The following CNBD1 variants were observed in gnomAD, a reference collection of about 807,000 sequenced individuals.
CNBD1 encodes the protein cyclic nucleotide-binding domain-containing protein 1.
Under a neutral mutation model 54.4 loss-of-function variants are expected in CNBD1, and 71 were observed. The observed-to-expected ratio is 1.30, with a 90% CI of 1.08 to 1.59. The LOEUF (loss-of-function observed/expected upper bound fraction) is 1.59, where lower values mean the gene tolerates loss of function less well. Among genes scored for constraint, CNBD1 ranks in the 40% most tolerant of loss-of-function variants. The probability of loss-of-function intolerance (pLI) is 0.00; values close to 1 mark genes in which losing one functional copy is unlikely to be tolerated. For synonymous variants in CNBD1, 182 were observed against 170.7 expected (o/e 1.07, Z -0.51); for missense variants, 659 against 518.0 (o/e 1.27, Z -2.64).
chr8:87,338,316 T>A (rs1809989803), intron 8 of CNBD1, among the ~76,000 whole-genome samples: 1 of 152,196 alleles, frequency 6.6e-6, no homozygotes, highest in African/African-American at 2.4e-5. Context: ...TTATATCATT[T>A]TCCTTTTCTC....
chr8:87,028,821 G>C (rs962675244), intron 4 of CNBD1, among the ~76,000 whole-genome samples: 1 of 152,190 alleles, frequency 6.6e-6, no homozygotes, highest in Admixed American at 6.5e-5. Flanking sequence ...TTTAAGACCA[G>C]CAGGGTCAAT....
In CNBD1 at chr8:87,099,065, A is replaced by AAAAAAAAAAAAAAC. The variant is rs978372704; in HGVS notation, c.432-106928_432-106927insAAAAAAAAAAAAAC. On this transcript the variant is annotated intron_variant, in intron 4 of 10. Transcript: ENST00000518476. ...AAAAAAAAAAAAAAAAAAAAACAAA[A>AAAAAAAAAAAAAAC]CTCCAAATTTTGACCCTTATGCTTA... Among the ~76,000 whole-genome samples, 21 of 144,060 alleles carry AAAAAAAAAAAAAAC rather than the reference A, an allele frequency of 1.5e-4. 1 individual carries two copies. Among genetic ancestry groups the AAAAAAAAAAAAAAC allele is most frequent in the African/African-American group, 5.8e-4 (21 of 36,022 alleles). 94.5% of individuals were successfully genotyped at this position (144,060 alleles called of 152,430 possible).
Position 87,010,031 on chromosome 8 carries a change from C to T in CNBD1, c.431+70277C>T, listed in dbSNP as rs141324385. Among the ~76,000 whole-genome samples the T allele has an allele frequency of 6.1e-3, 928 of 152,232 alleles. 19 individuals are homozygous for T. The highest frequency in any genetic ancestry group is 0.021 in the African/African-American group (882 of 41,552). ...TTGAAGGGAATATCCTCTCCTACCT[C>T]TGTGGCTACTTTTAGGTTTTTCTCC... On this transcript the variant is annotated intron_variant, in intron 4 of 10. Transcript: ENST00000518476.
At chr8:86,893,657 A>G (rs897110304) in intron 2 of CNBD1, among the ~76,000 whole-genome samples, 1 of 152,202 alleles carries the variant, frequency 6.6e-6, no homozygotes, top group Non-Finnish European at 1.5e-5. Context: ...ACTCCTGGAA[A>G]AAAAAGCAAC....
intron 10 of CNBD1, among the ~76,000 whole-genome samples, chr8:87,362,028 T>A (rs564272320): frequency 6.6e-6 from 1 of 152,174 alleles, no homozygotes; most frequent in South Asian, 2.1e-4. Flanking sequence ...TGTCTGTCAT[T>A]CCATGTCCTG....
At chr8:87,155,709 A>G (rs751961446) in intron 4 of CNBD1, among the ~76,000 whole-genome samples, 33 of 152,330 alleles carry the variant, frequency 2.2e-4, no homozygotes, top group Non-Finnish European at 3.5e-4. Flanking sequence ...TGTTTGTTGT[A>G]TATACCTGTC....
At chr8:87,051,524 G>C (rs755991556) in intron 4 of CNBD1, among the ~76,000 whole-genome samples, 1 of 152,174 alleles carries the variant, frequency 6.6e-6, no homozygotes, top group Non-Finnish European at 1.5e-5. Context: ...ATTTACCCAC[G>C]TATTTATTAA....
At chr8:86,870,189 C>CCTTTTTTTTTTTTTTTTTTTTTTTT (rs1554626453) in intron 1 of CNBD1, among the ~76,000 whole-genome samples, 1 of 100,624 alleles carries the variant, frequency 9.9e-6, no homozygotes, top group Non-Finnish European at 1.9e-5. Context: ...AGATAGTACT[C>CCTTTTTTTTTTTTTTTTTTTTTTTT]TTTTTTTTTT....
At chr8:87,256,011 A>ATT (rs1563526133) in intron 6 of CNBD1, among the ~76,000 whole-genome samples, 48 of 19,248 alleles carry the variant, frequency 2.5e-3, no homozygotes, top group Non-Finnish European at 3.1e-3. Context: ...ATATATATAT[A>ATT]TATATTTTTT....
intron 5 of CNBD1, among the ~76,000 whole-genome samples, chr8:87,232,314 G>A (rs565141420): frequency 7.9e-5 from 12 of 152,136 alleles, no homozygotes; most frequent in African/African-American, 2.2e-4. Flanking sequence ...TGGGACATAC[G>A]TTAGATGTAT....
intron 4 of CNBD1, among the ~76,000 whole-genome samples, chr8:86,963,923 C>T (rs1037979905): frequency 9.9e-5 from 15 of 152,134 alleles, no homozygotes; most frequent in African/African-American, 3.6e-4. Context: ...GACAGTCTGC[C>T]CTCCAATGAT....
Position 86,999,577 on chromosome 8 carries a change from T to A in CNBD1, c.431+59823T>A, listed in dbSNP as rs202215956. Among the ~76,000 whole-genome samples the A allele has an allele frequency of 2.0e-5, 3 of 152,070 alleles. No homozygotes were observed. In the East Asian group the frequency reaches 5.8e-4, roughly 29 times the overall value. On this transcript the variant is annotated intron_variant, in intron 4 of 10. Transcript: ENST00000518476. ...AAAAGTCTTTTATTTCAAAGGGCAGTACTTCCCAAAGTAGTTTAATCTCTT... is the reference window on the plus strand; with the variant it reads ...AAAAGTCTTTTATTTCAAAGGGCAGAACTTCCCAAAGTAGTTTAATCTCTT...
chr8:87,291,558 A>T (rs994675070), intron 8 of CNBD1, among the ~76,000 whole-genome samples: 5 of 152,168 alleles, frequency 3.3e-5, no homozygotes, highest in African/African-American at 1.2e-4. Flanking sequence ...TTGTAGTGTT[A>T]TAAAAAAAAA....
At chr8:87,399,549 A>G (rs1311584633) in intron 2 of CNBD1, among the ~76,000 whole-genome samples, 1 of 152,004 alleles carries the variant, frequency 6.6e-6, no homozygotes, top group East Asian at 1.9e-4. Flanking sequence ...TATCCTGGAT[A>G]ATTTATGAAC....
At chr8:87,053,044 G>A (rs1014779043) in intron 4 of CNBD1, among the ~76,000 whole-genome samples, 1 of 151,720 alleles carries the variant, frequency 6.6e-6, no homozygotes, top group African/African-American at 2.4e-5. Flanking sequence ...GGTTTGAGGG[G>A]CTGAGGCACT....
intron 4 of CNBD1, among the ~76,000 whole-genome samples, chr8:86,985,287 C>T (rs1188366540): frequency 1.3e-5 from 2 of 152,058 alleles, no homozygotes; most frequent in Non-Finnish European, 2.9e-5. Flanking sequence ...TCTTTGTCAG[C>T]AGTGTGAAAG....
At chr8:87,049,653 T>C (rs1810273047) in intron 4 of CNBD1, among the ~76,000 whole-genome samples, 1 of 152,234 alleles carries the variant, frequency 6.6e-6, no homozygotes, top group Admixed American at 6.5e-5. Context: ...TTCACAATCA[T>C]GTTCAGGTTC....
chr8:86,971,994 C>T (rs1297007156), intron 4 of CNBD1, among the ~76,000 whole-genome samples: 1 of 151,678 alleles, frequency 6.6e-6, no homozygotes, highest in East Asian at 1.9e-4. Flanking sequence ...ATTCTGTTGC[C>T]CAGGCTGGAG....
chr8:87,339,579 G>A (rs960949653), intron 8 of CNBD1, among the ~76,000 whole-genome samples: 1 of 152,030 alleles, frequency 6.6e-6, no homozygotes, highest in Admixed American at 6.5e-5. Context: ...TGACTTCCAA[G>A]CTTCTTATAT....
Sources: allele counts gnomAD v4.1 joint callset (sites outside exome capture counted in the v4.1 genomes callset), GRCh38; gene constraint gnomAD v4.1.1; transcripts MANE v1.5; gene names NCBI Gene and HGNC (gene_info 2026-07-23, HGNC 2026-07-21).